SLC6A11: variants seen among roughly 807,000 people sequenced by gnomAD.
SLC6A11 encodes sodium- and chloride-dependent GABA transporter 3.
SLC6A11 carries 25 observed loss-of-function variants against 74.8 expected under a neutral mutation model. The ratio of observed to expected loss-of-function variants is 0.33; its 90% CI spans 0.24 to 0.47. The LOEUF is 0.47. Among genes scored for constraint, SLC6A11 ranks in the 20% least tolerant of loss-of-function variants. The probability of loss-of-function intolerance (pLI) is 1.00; values close to 1 mark genes in which losing one functional copy is unlikely to be tolerated. For missense variants in SLC6A11, 574 were observed against 837.0 expected (o/e 0.69, Z 3.88); for synonymous variants, 330 against 330.2 (o/e 1.00, Z 0.01).
At chr3:10,914,800 C>T (rs1289775340) in intron 7 of SLC6A11, among the ~76,000 whole-genome samples, 3 of 152,116 alleles carry the variant, frequency 2.0e-5, no homozygotes, top group Non-Finnish European at 2.9e-5. Flanking sequence ...CAAGTCTGAC[C>T]CCCTTGGGAG....
At chr3:10,907,276 T>G (rs1695317233) in intron 6 of SLC6A11, among the ~76,000 whole-genome samples, 1 of 151,532 alleles carries the variant, frequency 6.6e-6, no homozygotes, top group South Asian at 2.1e-4. Context: ...GGAATAACAG[T>G]GAATACAGAC....
chr3:10,910,369 A>G (rs2106624937), intron 6 of SLC6A11, among the ~76,000 whole-genome samples: 1 of 152,176 alleles, frequency 6.6e-6, no homozygotes, highest in African/African-American at 2.4e-5. Flanking sequence ...GGGCATGAGT[A>G]TTTTCTTTTA....
intron 6 of SLC6A11, among the ~76,000 whole-genome samples, chr3:10,908,496 G>A (rs1174555042): frequency 6.6e-6 from 1 of 151,778 alleles, no homozygotes; most frequent in Non-Finnish European, 1.5e-5. Flanking sequence ...AATCATTTGA[G>A]AACATACCCT....
chr3:10,824,880 A>T (rs1040975218), intron 4 of SLC6A11: 1 of 152,240 alleles, frequency 6.6e-6, no homozygotes, highest in Non-Finnish European at 1.5e-5. Flanking sequence ...ACGTAAAATT[A>T]CTTTAGAAAG....
intron 5 of SLC6A11, among the ~76,000 whole-genome samples, chr3:10,861,160 C>T (rs1317132312): frequency 6.6e-6 from 1 of 152,152 alleles, no homozygotes; most frequent in Non-Finnish European, 1.5e-5. Context: ...CAGTAGCTGG[C>T]AGATAACAGA....
In SLC6A11 at chr3:10,939,761, G is replaced by C. The variant is rs76918145; in HGVS notation, c.*1359G>C. The C allele has an allele frequency of 0.016, 2,415 of 152,360 alleles. 81 individuals are homozygous for C. In the East Asian group the frequency reaches 0.16, roughly 10 times the overall value. The allele number at this position is 152,360 out of a possible 1,614,324, so 9.4% of individuals were successfully genotyped here. On this transcript the variant is annotated 3_prime_UTR_variant, in exon 14 of 14. Transcript: ENST00000254488. The stretch of plus-strand genomic sequence containing the variant: ...TCAGCTCTCACTAGAGGGAAGACCT[G>C]GGCATCCTGCTGGCTCCTCTCTCCG...
chr3:10,859,916 T>G (rs928128970), intron 5 of SLC6A11, among the ~76,000 whole-genome samples: 1 of 152,232 alleles, frequency 6.6e-6, no homozygotes, highest in African/African-American at 2.4e-5. Context: ...ACTCTACTGT[T>G]GCTTTGAAGT....
At chr3:10,876,737 GCC>G (rs71055841) in intron 6 of SLC6A11, among the ~76,000 whole-genome samples, 366 of 24,182 alleles carry the variant, frequency 0.015, 13 homozygotes, top group Middle Eastern at 0.1. Context: ...TAAACGCCCC[GCC>G]CCCCCCCCCC....
intron 4 of SLC6A11, among the ~76,000 whole-genome samples, chr3:10,830,229 G>GC (rs1694277006): frequency 1.3e-5 from 2 of 152,270 alleles, no homozygotes; most frequent in African/African-American, 4.8e-5. Flanking sequence ...CATGCGGTTG[G>GC]CCATGGAGTG....
intron 4 of SLC6A11, among the ~76,000 whole-genome samples, chr3:10,840,093 C>G (rs1694418457): frequency 6.6e-6 from 1 of 152,200 alleles, no homozygotes; most frequent in South Asian, 2.1e-4. Flanking sequence ...GGACTCACCA[C>G]TGTTGACCAC....
intron 5 of SLC6A11, among the ~76,000 whole-genome samples, chr3:10,864,582 C>T (rs1694741890): frequency 6.6e-6 from 1 of 152,082 alleles, no homozygotes; most frequent in African/African-American, 2.4e-5. Flanking sequence ...TGTGATGGTG[C>T]ACTTGGGTCC....
intron 6 of SLC6A11, among the ~76,000 whole-genome samples, chr3:10,883,033 C>A (rs1444819471): frequency 6.6e-6 from 1 of 152,088 alleles, no homozygotes; most frequent in African/African-American, 2.4e-5. Context: ...CGAGTCAGGG[C>A]CCCACAGCCC....
At chr3:10,910,567 T>C (rs1695373028) in intron 6 of SLC6A11, among the ~76,000 whole-genome samples, 1 of 152,116 alleles carries the variant, frequency 6.6e-6, no homozygotes, top group Non-Finnish European at 1.5e-5. Context: ...GCAGAGACTA[T>C]TCTGTCAGAA....
chr3:10,874,482 AC>A (rs950874520), intron 5 of SLC6A11, among the ~76,000 whole-genome samples: 49 of 152,130 alleles, frequency 3.2e-4, no homozygotes, highest in African/African-American at 1.1e-3. Context: ...CACTCCTATC[AC>A]CCCTGCTTCC....
chr3:10,839,592 G>A (rs1694411431), intron 4 of SLC6A11, among the ~76,000 whole-genome samples: 1 of 152,172 alleles, frequency 6.6e-6, no homozygotes, highest in Non-Finnish European at 1.5e-5. Context: ...GGGGTTGTGG[G>A]GGCTTGGTCG....
intron 4 of SLC6A11, chr3:10,823,725 G>T (rs1237908343): frequency 8.0e-6 from 2 of 250,808 alleles, no homozygotes; most frequent in Non-Finnish European, 1.6e-5. Flanking sequence ...AATAAGCTAA[G>T]TCAAGAGTGT....
chr3:10,903,016 A>G (rs1239727763), intron 6 of SLC6A11, among the ~76,000 whole-genome samples: 2 of 152,212 alleles, frequency 1.3e-5, no homozygotes, highest in South Asian at 2.1e-4. Flanking sequence ...CTGGTATGTC[A>G]TAGGTACTAA....
At chr3:10,826,036 T>TA (rs772635121) in intron 4 of SLC6A11, among the ~76,000 whole-genome samples, 50 of 152,186 alleles carry the variant, frequency 3.3e-4, no homozygotes, top group South Asian at 2.1e-4. Flanking sequence ...AGAATAGCAA[T>TA]AAAAAAACAA....
intron 7 of SLC6A11, among the ~76,000 whole-genome samples, chr3:10,917,443 C>T (rs547193423): frequency 4.6e-5 from 7 of 152,180 alleles, no homozygotes. Context: ...GGTCACCTGG[C>T]AGCTCCTCCC....
Sources: allele counts gnomAD v4.1 joint callset (sites outside exome capture counted in the v4.1 genomes callset), GRCh38; gene constraint gnomAD v4.1.1; transcripts MANE v1.5; gene names NCBI Gene and HGNC (gene_info 2026-07-23, HGNC 2026-07-21).